The following DIAPH2 variants were observed in gnomAD, a reference collection of about 807,000 sequenced individuals.
DIAPH2 encodes diaphanous related formin 2.
Under a neutral mutation model 92.7 loss-of-function variants are expected in DIAPH2, and 35 were observed. That is an observed-to-expected ratio of 0.38 (90% confidence interval 0.29 to 0.50). DIAPH2 has a LOEUF of 0.50. DIAPH2 is among the 20% of genes least tolerant of loss of function. The pLI, the probability that DIAPH2 is intolerant of heterozygous loss-of-function variation, is 0.94. For missense variants in DIAPH2, 701 were observed against 819.5 expected (o/e 0.86, Z 1.77); for synonymous variants, 301 against 280.4 (o/e 1.07, Z -0.73).
At chrX:97,497,872 C>A (rs5966754) in intron 26 of DIAPH2, among the ~76,000 whole-genome samples, 1,985 of 110,735 alleles carry the variant, frequency 0.018, 55 homozygotes, top group African/African-American at 0.061. Context: ...GTCTCTCTCT[C>A]TATATGTATA....
intron 22 of DIAPH2, among the ~76,000 whole-genome samples, chrX:97,236,199 CTTCATGCATTAAACTTG>C (rs1029240360): frequency 9.0e-6 from 1 of 111,399 alleles, no homozygotes; most frequent in African/African-American, 3.3e-5. Context: ...TACCTGTGGA[CTTCATGCATTAAACTTG>C]TTCCTCAAAA....
intron 22 of DIAPH2, among the ~76,000 whole-genome samples, chrX:97,204,035 C>T (rs2067775323): frequency 8.9e-6 from 1 of 111,842 alleles, no homozygotes; most frequent in Non-Finnish European, 1.9e-5. Flanking sequence ...AATCAATAAA[C>T]ATAATCCATC....
At chrX:97,432,776 C>G (rs1361978538) in intron 26 of DIAPH2, among the ~76,000 whole-genome samples, 2 of 110,556 alleles carry the variant, frequency 1.8e-5, no homozygotes, top group Non-Finnish European at 3.8e-5. Flanking sequence ...CGTGAGCCAC[C>G]ATGCCCGGCC....
At chrX:97,524,914 G>A (rs899471411) in intron 26 of DIAPH2, among the ~76,000 whole-genome samples, 1 of 112,063 alleles carries the variant, frequency 8.9e-6, no homozygotes, top group Non-Finnish European at 1.9e-5. Context: ...GGAACTTAAG[G>A]CTTGCATAAT....
intron 26 of DIAPH2, among the ~76,000 whole-genome samples, chrX:97,438,486 C>A (rs1270207109): frequency 9.4e-6 from 1 of 106,631 alleles, no homozygotes; most frequent in Non-Finnish European, 1.9e-5. Flanking sequence ...CCACCTCAGC[C>A]TTCTGTGTAA....
At chrX:96,759,562 A>G (rs745982618) in intron 4 of DIAPH2, among the ~76,000 whole-genome samples, 1 of 112,074 alleles carries the variant, frequency 8.9e-6, no homozygotes, top group Admixed American at 9.5e-5. Flanking sequence ...ATTGTTCACC[A>G]TAAAATGCTT....
At chrX:97,501,449 C>A (rs1363478050) in intron 26 of DIAPH2, among the ~76,000 whole-genome samples, 1 of 112,195 alleles carries the variant, frequency 8.9e-6, no homozygotes, top group Non-Finnish European at 1.9e-5. Flanking sequence ...TAACTTATAT[C>A]TAAAAGTTTA....
intron 9 of DIAPH2, among the ~76,000 whole-genome samples, chrX:96,926,442 A>G (rs776182208): frequency 3.6e-5 from 4 of 111,894 alleles, no homozygotes; most frequent in East Asian, 2.8e-4. Flanking sequence ...CCCTAGGCAT[A>G]TACAGATGAG....
chrX:97,393,094 C>G (rs2069674872), intron 25 of DIAPH2, among the ~76,000 whole-genome samples: 1 of 110,581 alleles, frequency 9.0e-6, no homozygotes, highest in African/African-American at 3.3e-5. Flanking sequence ...AGAAGTAAGC[C>G]AGAAGCACAA....
intron 23 of DIAPH2, among the ~76,000 whole-genome samples, chrX:97,265,489 GT>G (rs778674258): frequency 1.3e-4 from 14 of 111,708 alleles, no homozygotes; most frequent in Admixed American, 1.1e-3. Context: ...ATAAAACCAG[GT>G]TATGTGATGG....
intron 5 of DIAPH2, among the ~76,000 whole-genome samples, chrX:96,908,744 C>T (rs774806328): frequency 9.8e-4 from 109 of 111,194 alleles, no homozygotes; most frequent in African/African-American, 3.4e-3. Context: ...GGACTACAGG[C>T]GCCCGCCACC....
intron 26 of DIAPH2, among the ~76,000 whole-genome samples, chrX:97,437,664 T>A (rs768743202): frequency 4.6e-4 from 50 of 109,300 alleles, no homozygotes; most frequent in African/African-American, 1.5e-3. Context: ...CAAAAACATG[T>A]GATGGAGATA....
rs967905735 is a variant in DIAPH2, at chrX:97,601,572, G to GTA, written c.*2259_*2260dup. ...CAGTTTTGTTTTAGATGATTGGAAAGTATATCACCAAAAAAAGTATATAGT... is the reference window on the plus strand; with the variant it reads ...CAGTTTTGTTTTAGATGATTGGAAAGTATATATCACCAAAAAAAGTATATAGT... On this transcript the variant is annotated 3_prime_UTR_variant, in exon 27 of 27. Transcript: ENST00000324765. 9.0e-6 allele frequency: 1 copy of GTA among 111,613 alleles called. No homozygotes were observed. The highest frequency in any genetic ancestry group is 1.9e-5 in the Non-Finnish European group (1 of 53,102). The allele number at this position is 111,613 out of a possible 1,213,427, so 9.2% of individuals were successfully genotyped here.
At chrX:97,314,070 G>A (rs1170474683) in intron 23 of DIAPH2, among the ~76,000 whole-genome samples, 6 of 110,256 alleles carry the variant, frequency 5.4e-5, no homozygotes, top group African/African-American at 9.9e-5. Context: ...ATCCATAAAC[G>A]TGAAAGTAAA....
intron 26 of DIAPH2, among the ~76,000 whole-genome samples, chrX:97,471,014 A>G (rs916582148): frequency 8.9e-6 from 1 of 112,213 alleles, no homozygotes; most frequent in Non-Finnish European, 1.9e-5. Context: ...ATATTTCTTA[A>G]CTATTGTAGA....
intron 25 of DIAPH2, among the ~76,000 whole-genome samples, chrX:97,411,393 T>C (rs1211692827): frequency 8.9e-6 from 1 of 111,773 alleles, no homozygotes; most frequent in Non-Finnish European, 1.9e-5. Context: ...ACAAGAGCTC[T>C]TGAAGGAAGC....
Position 97,121,935 on chromosome X carries a change from C to G in DIAPH2, c.2589+6970C>G, listed in dbSNP as rs139791505. ...TTCAGGGAGGTTAAGTATTATTGAC[C>G]CCATTTTGCAAATTAGAAAACTAAA... On this transcript the variant is annotated intron_variant, in intron 21 of 26. Coordinates refer to ENST00000324765, the MANE Select transcript of DIAPH2 (RefSeq NM_006729.5). Among the ~76,000 whole-genome samples the G allele has an allele frequency of 5.9e-3, 660 of 111,119 alleles. 6 individuals carry two copies. The highest frequency in any genetic ancestry group is 0.021 in the African/African-American group (631 of 30,631).
chrX:96,917,132 G>T (rs2147783491), intron 8 of DIAPH2, among the ~76,000 whole-genome samples: 1 of 111,400 alleles, frequency 9.0e-6, no homozygotes, highest in Non-Finnish European at 1.9e-5. Flanking sequence ...TCTTCTTATG[G>T]AAATAATATT....
Position 97,178,441 on chromosome X carries a change from C to CTTT in DIAPH2, c.2719+36648_2719+36649insTTT, listed in dbSNP as rs1569321100. ...CTGTACCTGTGACAGGCCTATATTTCTCTTTTTTTTTTTTTTTTTTTTTTT... is the reference window on the plus strand; with the variant it reads ...CTGTACCTGTGACAGGCCTATATTTCTTTTCTTTTTTTTTTTTTTTTTTTTTTT... On this transcript the variant is annotated intron_variant, in intron 22 of 26. Coordinates refer to ENST00000324765, the MANE Select transcript of DIAPH2 (RefSeq NM_006729.5). Among the ~76,000 whole-genome samples, 45 of 88,961 alleles carry CTTT rather than the reference C, an allele frequency of 5.1e-4. 1 individual carries two copies. The highest frequency in any genetic ancestry group is 2.1e-3 in the African/African-American group (44 of 20,975). 77.3% of individuals were successfully genotyped at this position (88,961 alleles called of 115,157 possible). A position where few individuals can be genotyped will look rare whatever the true frequency, so the allele number is the denominator to read the frequency against.
Sources: allele counts gnomAD v4.1 joint callset (sites outside exome capture counted in the v4.1 genomes callset), GRCh38; gene constraint gnomAD v4.1.1; transcripts MANE v1.5; gene names NCBI Gene and HGNC (gene_info 2026-07-23, HGNC 2026-07-21).